The following CALHM4 variants were observed in gnomAD, a reference collection of about 807,000 sequenced individuals.
The protein encoded by CALHM4 is calcium homeostasis modulator protein 4.
A neutral mutation model predicts 13.3 loss-of-function variants in CALHM4; 16 were observed. That is an observed-to-expected ratio of 1.20 (90% CI 0.81 to 1.82). CALHM4 has a LOEUF of 1.82. Ranked by LOEUF, CALHM4 falls within the 40% of genes most tolerant of loss-of-function variation. The pLI is 0.00. For missense variants in CALHM4, 344 were observed against 374.9 expected, an observed-to-expected ratio of 0.92 and a Z score of 0.68; for synonymous variants, 127 against 137.1, an observed-to-expected ratio of 0.93 and a Z score of 0.52.
At chr6:116,557,489 C>A (rs750653763) in intron 1 of CALHM4, among the ~76,000 whole-genome samples, 1 of 152,134 alleles carries the variant, frequency 6.6e-6, no homozygotes, top group Non-Finnish European at 1.5e-5. Flanking sequence ...TAAGGTTGAA[C>A]TAAAAGCAAA....
intron 1 of CALHM4, among the ~76,000 whole-genome samples, chr6:116,539,685 AG>A (rs931569835): frequency 6.6e-6 from 1 of 152,192 alleles, no homozygotes; most frequent in Non-Finnish European, 1.5e-5. Context: ...ATTAAGGACT[AG>A]GAGAGAAAAA....
upstream of CALHM4, among the ~76,000 whole-genome samples, chr6:116,551,371 T>C (rs1466508251): frequency 2.0e-5 from 3 of 152,226 alleles, no homozygotes; most frequent in Non-Finnish European, 4.4e-5. Flanking sequence ...TCTGTCGGTA[T>C]AGATTAATTT....
chr6:116,550,415 A>G (rs535346379), upstream of CALHM4, among the ~76,000 whole-genome samples: 2 of 152,262 alleles, frequency 1.3e-5, no homozygotes, highest in South Asian at 2.1e-4. Flanking sequence ...CAGAAGTGCC[A>G]GGGTAATTTT....
At chr6:116,532,098 C>A (rs1287987218) in intron 1 of CALHM4, among the ~76,000 whole-genome samples, 1 of 152,056 alleles carries the variant, frequency 6.6e-6, no homozygotes, top group African/African-American at 2.4e-5. Flanking sequence ...ATGAAAATTG[C>A]TTGAAATAAG....
At chr6:116,543,102 T>C (rs1372810049) in intron 1 of CALHM4, among the ~76,000 whole-genome samples, 3 of 152,160 alleles carry the variant, frequency 2.0e-5, no homozygotes, top group Admixed American at 6.5e-5. Flanking sequence ...TTGATATTTG[T>C]AGGAAAAAAA....
chr6:116,530,115 T>G (rs185366114), intron 1 of CALHM4, among the ~76,000 whole-genome samples: 33 of 152,264 alleles, frequency 2.2e-4, no homozygotes, highest in African/African-American at 7.5e-4. Context: ...TAGAGAAGTA[T>G]TTGTTTTTAA....
intron 1 of CALHM4, among the ~76,000 whole-genome samples, chr6:116,556,556 G>C (rs1774326448): frequency 6.6e-6 from 1 of 152,282 alleles, no homozygotes; most frequent in African/African-American, 2.4e-5. Flanking sequence ...ATCCCACTGT[G>C]CACACACTGG....
At chr6:116,540,433 T>G (rs1444925087) in intron 1 of CALHM4, 6 of 1,551,330 alleles carry the variant, frequency 3.9e-6, no homozygotes, top group Non-Finnish European at 4.4e-6. Context: ...CAAAAAGTCT[T>G]CCACAAGCCG....
chr6:116,533,413 T>C lies in CALHM4; in HGVS notation c.-109+4223T>C, dbSNP rs368022085. The stretch of plus-strand genomic sequence containing the variant: ...ATTTTGTGTCTTCAGTGGCAAGAAG[T>C]TGACACCACTCTAGCAAGAAAAACA... On this transcript the variant is annotated intron_variant, in intron 1 of 2. Coordinates refer to the CALHM4 transcript ENST00000368597. 1.2e-4 allele frequency among the ~76,000 whole-genome samples: 18 copies of C among 152,320 alleles called. 1 individual carries two copies. In the South Asian group the frequency reaches 3.7e-3, roughly 32 times the overall value.
intron 1 of CALHM4, among the ~76,000 whole-genome samples, chr6:116,536,392 C>T (rs1359893197): frequency 6.6e-6 from 1 of 152,166 alleles, no homozygotes; most frequent in Non-Finnish European, 1.5e-5. Context: ...GACCGACCTC[C>T]TCTTTGAAGA....
chr6:116,550,009 TATATATATATATATATAC>T (rs1184205749), upstream of CALHM4, among the ~76,000 whole-genome samples: 78 of 122,092 alleles, frequency 6.4e-4, 1 homozygote, highest in Middle Eastern at 0.026. Flanking sequence ...TATATATATA[TATATATATATATATATAC>T]ACACACACAC....
rs146924272 is a variant in CALHM4, at chr6:116,537,657, C to T, written c.-108-6108C>T. Among the ~76,000 whole-genome samples the T allele has an allele frequency of 3.1e-3, 467 of 152,184 alleles. 12 individuals carry two copies. The highest frequency in any genetic ancestry group is 0.022 in the Admixed American group (343 of 15,268). ...CATTGTAAGGTAAAGCGAGTAGTTC[C>T]TCATGGAAGGGACTCGAGGAGCCCT... On this transcript the variant is annotated intron_variant, in intron 1 of 2. Coordinates refer to the CALHM4 transcript ENST00000368597.
At chr6:116,536,166 T>C (rs1383874792) in intron 1 of CALHM4, among the ~76,000 whole-genome samples, 1 of 152,226 alleles carries the variant, frequency 6.6e-6, no homozygotes, top group African/African-American at 2.4e-5. Flanking sequence ...AGTTGTATAT[T>C]ATAAAATTCT....
intron 1 of CALHM4, among the ~76,000 whole-genome samples, chr6:116,554,609 C>T (rs1013723804): frequency 8.5e-5 from 13 of 152,116 alleles, no homozygotes; most frequent in Non-Finnish European, 1.9e-4. Context: ...ATATTCATGG[C>T]ACCTACCACA....
rs1345202374 is a variant in CALHM4, at chr6:116,545,446, A to G, written c.-1+1574A>G. The G allele has an allele frequency of 1.0e-5, 16 of 1,531,872 alleles. No individual in the cohort carries two copies. The East Asian group carries it at 3.0e-4, about 28-fold the overall frequency. 94.9% of individuals were successfully genotyped at this position (1,531,872 alleles called of 1,614,324 possible). A position where few individuals can be genotyped will look rare whatever the true frequency, so the allele number is the denominator to read the frequency against. On this transcript the variant is annotated intron_variant, in intron 2 of 2. Transcript: ENST00000368597. The stretch of plus-strand genomic sequence containing the variant: ...AAGAAAACATTTTCTCTGAAGTAGA[A>G]AAAATCTCTTTGTAGAAAGATCTTA...
intron 2 of CALHM4, among the ~76,000 whole-genome samples, chr6:116,547,801 G>C (rs1043424875): frequency 1.1e-4 from 16 of 152,208 alleles, no homozygotes; most frequent in Non-Finnish European, 1.9e-4. Context: ...TTTACTAAGA[G>C]TTCTTTAGTC....
chr6:116,555,131 A>T (rs1474379618), intron 1 of CALHM4, among the ~76,000 whole-genome samples: 1 of 152,212 alleles, frequency 6.6e-6, no homozygotes, highest in Non-Finnish European at 1.5e-5. Context: ...CATTTCAGAA[A>T]TGCTAAAGTT....
At chr6:116,556,682 TAAG>T (rs538140601) in intron 1 of CALHM4, among the ~76,000 whole-genome samples, 93 of 152,074 alleles carry the variant, frequency 6.1e-4, no homozygotes, top group African/African-American at 2.1e-3. Flanking sequence ...TCACTTTACA[TAAG>T]AAGTGCAAAA....
intron 1 of CALHM4, among the ~76,000 whole-genome samples, chr6:116,538,066 A>G (rs1055086000): frequency 1.3e-5 from 2 of 152,186 alleles, no homozygotes; most frequent in African/African-American, 2.4e-5. Context: ...TTTGAAGTTA[A>G]TCATAATAAT....
Sources: allele counts gnomAD v4.1 joint callset (sites outside exome capture counted in the v4.1 genomes callset), GRCh38; gene constraint gnomAD v4.1.1; transcripts MANE v1.5; gene names NCBI Gene and HGNC (gene_info 2026-07-23, HGNC 2026-07-21).